The following SERPINB12 variants were observed in gnomAD, a reference collection of about 807,000 sequenced individuals.
The protein encoded by SERPINB12 is serpin B12.
A neutral mutation model predicts 41.1 loss-of-function variants in SERPINB12; 57 were observed. The ratio of observed to expected loss-of-function variants is 1.39; its 90% CI spans 1.12 to 1.73. SERPINB12 has a LOEUF of 1.73. Among genes scored for constraint, SERPINB12 ranks in the 40% most tolerant of loss-of-function variants. The probability of loss-of-function intolerance (pLI) is 0.00; values close to 1 mark genes in which losing one functional copy is unlikely to be tolerated. For missense variants in SERPINB12, 536 were observed against 501.9 expected (o/e 1.07, Z -0.65); for synonymous variants, 180 against 181.3 (o/e 0.99, Z 0.06).
At chr18:63,539,640 T>C (rs2144542003), upstream of SERPINB12, among the ~76,000 whole-genome samples, 1 of 152,088 alleles carries the variant, frequency 6.6e-6, no homozygotes, top group South Asian at 2.1e-4. Context: ...CAGCAAAATC[T>C]TGTCATTTTT....
At chr18:63,555,280 A>T (rs962089768) in intron 1 of SERPINB12, among the ~76,000 whole-genome samples, 2 of 152,188 alleles carry the variant, frequency 1.3e-5, no homozygotes, top group African/African-American at 4.8e-5. Context: ...TTAACAAGGC[A>T]CATGACCCAT....
chr18:63,561,458 A>G (rs975026933), intron 5 of SERPINB12, among the ~76,000 whole-genome samples: 22 of 152,244 alleles, frequency 1.4e-4, no homozygotes, highest in African/African-American at 5.3e-4. Flanking sequence ...GGGAATGTAA[A>G]TTAGCCATTG....
chr18:63,538,512 G>A (rs1910215219), upstream of SERPINB12, among the ~76,000 whole-genome samples: 1 of 152,098 alleles, frequency 6.6e-6, no homozygotes, highest in Non-Finnish European at 1.5e-5. Context: ...GTTGTAGCAT[G>A]TATTAATACT....
At chr18:63,520,740 G>A in the SERPINB12 span, among the ~76,000 whole-genome samples, 1 of 152,214 alleles carries the variant, frequency 6.6e-6, no homozygotes. Context: ...GTTGTGGGTA[G>A]GGGTGGGTAA....
the SERPINB12 span, among the ~76,000 whole-genome samples, chr18:63,529,952 A>G: frequency 1.3e-5 from 2 of 152,164 alleles, no homozygotes; most frequent in African/African-American, 4.8e-5. Context: ...AAAACCTACA[A>G]GATGCATACT....
At chr18:63,561,707 C>T (rs1209066471) in intron 5 of SERPINB12, among the ~76,000 whole-genome samples, 1 of 152,126 alleles carries the variant, frequency 6.6e-6, no homozygotes, top group Non-Finnish European at 1.5e-5. Flanking sequence ...TACTACACAG[C>T]CATCAAAAAG....
chr18:63,564,204 G>T, intron 6 of SERPINB12, 84 bp downstream of exon 6: 1 of 1,372,410 alleles, frequency 7.3e-7, no homozygotes, highest in Non-Finnish European at 1.0e-6. Context: ...TACTCGAAAA[G>T]TTACAGCTTA....
At chr18:63,559,765 T>C in intron 4 of SERPINB12, 47 bp downstream of exon 4, 1 of 1,601,858 alleles carries the variant, frequency 6.2e-7, no homozygotes, top group Non-Finnish European at 8.5e-7. Context: ...TAGCATACTA[T>C]TTAAAAATCA....
the SERPINB12 span, among the ~76,000 whole-genome samples, chr18:63,526,594 A>T: frequency 5.9e-5 from 9 of 152,354 alleles, no homozygotes; most frequent in Non-Finnish European, 1.2e-4. Context: ...GGACAAATCT[A>T]TCCTGCTTGA....
chr18:63,527,364 T>C, the SERPINB12 span, among the ~76,000 whole-genome samples: 1 of 152,208 alleles, frequency 6.6e-6, no homozygotes, highest in Admixed American at 6.5e-5. Flanking sequence ...TCTAGTTCTT[T>C]CCTTTCAGAC....
chr18:63,565,444 G>C lies in SERPINB12; in HGVS notation c.706-1G>C, dbSNP rs1425010701. The C allele has an allele frequency of 6.2e-7, 1 of 1,612,332 alleles. No homozygotes were observed. Among genetic ancestry groups the C allele is most frequent in the Non-Finnish European group, 8.5e-7 (1 of 1,179,228 alleles). The stretch of plus-strand genomic sequence containing the variant: ...GTGACCTCCTACCTTGACTACTACA[G>C]AATGAAAACAAGAGTGTGAAGATGA... On this transcript the variant is annotated splice_acceptor_variant, in intron 6 of 7. Coordinates refer to ENST00000382768, the MANE Select transcript of SERPINB12 (RefSeq NM_001307928.2). LOFTEE classifies it high-confidence loss of function.
chr18:63,520,857 G>A, the SERPINB12 span, among the ~76,000 whole-genome samples: 2 of 152,026 alleles, frequency 1.3e-5, no homozygotes, highest in Admixed American at 6.6e-5. Flanking sequence ...ACATAGAGAG[G>A]GAAACTCTCC....
At chr18:63,548,039 G>A (rs1332037344) in intron 1 of SERPINB12, among the ~76,000 whole-genome samples, 1 of 152,066 alleles carries the variant, frequency 6.6e-6, no homozygotes, top group East Asian at 1.9e-4. Flanking sequence ...ATTATGATTT[G>A]GAAGTAAAGA....
intron 5 of SERPINB12, among the ~76,000 whole-genome samples, chr18:63,562,570 C>G (rs979255027): frequency 6.6e-6 from 1 of 152,138 alleles, no homozygotes; most frequent in African/African-American, 2.4e-5. Flanking sequence ...CTCACACTGA[C>G]TTAGGGATGG....
the SERPINB12 span, among the ~76,000 whole-genome samples, chr18:63,529,382 G>T: frequency 6.6e-6 from 1 of 152,206 alleles, no homozygotes; most frequent in African/African-American, 2.4e-5. Flanking sequence ...TGTATGCACA[G>T]CTGTGGTTTT....
the SERPINB12 span, among the ~76,000 whole-genome samples, chr18:63,521,402 G>T: frequency 1.3e-5 from 2 of 152,180 alleles, no homozygotes; most frequent in African/African-American, 4.8e-5. Context: ...ATCCTCTGTT[G>T]GAGAGAAGTG....
At chr18:63,548,214 A>G (rs1480481120) in intron 1 of SERPINB12, among the ~76,000 whole-genome samples, 1 of 152,148 alleles carries the variant, frequency 6.6e-6, no homozygotes, top group African/African-American at 2.4e-5. Context: ...AAGGAAAGAA[A>G]ACAAGCAAAA....
At chr18:63,551,007 C>T (rs1181210854) in intron 1 of SERPINB12, among the ~76,000 whole-genome samples, 1 of 152,090 alleles carries the variant, frequency 6.6e-6, no homozygotes, top group African/African-American at 2.4e-5. Context: ...CGGTGGTTCA[C>T]GCCTGTAATC....
chr18:63,556,238 A>C lies in SERPINB12; in HGVS notation c.79A>C (p.Asn27His), dbSNP rs763322055. 1 of 1,614,078 alleles carries C rather than the reference A, an allele frequency of 6.2e-7. No homozygotes were observed. Among genetic ancestry groups the C allele is most frequent in the Non-Finnish European group, 8.5e-7 (1 of 1,179,982 alleles). ...GATAGGCAAAGATGATCGTCATAAA[A>C]ACATATTTTTCTCTCCCCTGAGCCT... ...QEIGKDDRHK[N>H]IFFSPLSLSA... is the part of the protein sequence containing the mutation. Residue 27 changes from asparagine to histidine, a missense_variant, in exon 2 of 8, where the codon AAC becomes CAC. Asn to His is a moderately conservative substitution (Grantham distance 68). Transcript: ENST00000382768.
Sources: allele counts gnomAD v4.1 joint callset (sites outside exome capture counted in the v4.1 genomes callset), GRCh38; gene constraint gnomAD v4.1.1; transcripts MANE v1.5; gene names NCBI Gene and HGNC (gene_info 2026-07-23, HGNC 2026-07-21).